ZNF845: variants seen among roughly 807,000 people sequenced by gnomAD.
The protein encoded by ZNF845 is zinc finger protein 845.
A neutral mutation model predicts 76.1 loss-of-function variants in ZNF845; 59 were observed. That is an observed-to-expected ratio of 0.78 (90% CI 0.63 to 0.96). ZNF845 has a LOEUF of 0.96. Ranked by LOEUF, ZNF845 falls within the 40% of genes least tolerant of loss-of-function variation. The pLI is 0.00. For synonymous variants in ZNF845, 361 were observed against 386.9 expected (o/e 0.93, Z 0.78); for missense variants, 1,045 against 1,172.8 (o/e 0.89, Z 1.59).
rs879210149 is a variant in ZNF845, at chr19:53,352,936, A to G, written c.2261A>G (p.Lys754Arg). 6.2e-7 allele frequency: 1 copy of G among 1,614,150 alleles called. No homozygotes were observed. Among genetic ancestry groups the G allele is most frequent in the East Asian group, 2.2e-5 (1 of 44,878 alleles). ...EKPYKCEECD[K>R]VFSRKSSLEK... ...CCTTACAAATGTGAAGAATGTGACA[A>G]AGTTTTCAGTCGCAAATCAAGCCTT... is the stretch of plus-strand genomic sequence containing the variant. The change falls in exon 4 of 4, where the codon AAA (lysine) becomes AGA (arginine). Residue 754 changes from lysine to arginine, a missense_variant. Transcript: ENST00000458035.
At chr19:53,347,263 ATTTC>A (rs746911534) in intron 3 of ZNF845, among the ~76,000 whole-genome samples, 8 of 144,168 alleles carry the variant, frequency 5.5e-5, no homozygotes, top group South Asian at 2.2e-4. Context: ...GACTTCTTTC[ATTTC>A]TTTCTTTCTT....
rs1294112629 is a variant in ZNF845, at chr19:53,352,896, C to T, written c.2221C>T (p.His741Tyr). Residue 741 changes from histidine (H) to tyrosine (Y), a missense_variant, in exon 4 of 4, where the codon CAT becomes TAT. Transcript: ENST00000458035. Reference protein sequence around the residue: ...KSSLTCHLRLHTGEKPYKCEE... With the variant: ...KSSLTCHLRLYTGEKPYKCEE... ...ATCCCTTACATGCCATCTTAGACTT[C>T]ATACTGGAGAGAAACCTTACAAATG... is the stretch of plus-strand genomic sequence containing the variant. The T allele has an allele frequency of 6.2e-7, 1 of 1,613,836 alleles. No homozygotes were observed. The highest frequency in any genetic ancestry group is 8.5e-7 in the Non-Finnish European group (1 of 1,180,002).
At position 53,353,914 on chromosome 19, in the gene ZNF845, A is replaced by G. The variant is rs1417954213; in HGVS notation, c.*326A>G. 2 of 965,642 alleles carry G rather than the reference A, an allele frequency of 2.1e-6. No homozygotes were observed. The highest frequency in any genetic ancestry group is 1.7e-5 in the African/African-American group (1 of 60,538). 59.8% of individuals were successfully genotyped at this position (965,642 alleles called of 1,614,324 possible). A position where few individuals can be genotyped will look rare whatever the true frequency, so the allele number is the denominator to read the frequency against. ...ATCATTGGAGAATCCATAATGAGAG[A>G]TTTTGAAAGTGTAATAAATGTGGCA... On this transcript the variant is annotated 3_prime_UTR_variant, in exon 4 of 4. Coordinates refer to ENST00000458035, the MANE Select transcript of ZNF845 (RefSeq NM_138374.3).
At chr19:53,337,255 T>C (rs530569866) in intron 1 of ZNF845, 3 of 439,472 alleles carry the variant, frequency 6.8e-6, no homozygotes, top group Non-Finnish European at 1.4e-5. Flanking sequence ...CTCCTTCAGG[T>C]CTAGGCTCAG....
At position 53,352,070 on chromosome 19, in the gene ZNF845, A is replaced by C. The variant is rs1247329774; in HGVS notation, c.1395A>C (p.Lys465Asn). Residue 465 changes from lysine to asparagine, a missense_variant, in exon 4 of 4, where the codon AAA becomes AAC. By Grantham distance (94) the Lys-to-Asn change is moderately conservative (BLOSUM62 0). Coordinates refer to ENST00000458035, the MANE Select transcript of ZNF845 (RefSeq NM_138374.3). Reference sequence around the variant, plus strand: ...ATAGGAGAATTCATACTGGAGAGAAACCTTACAAGTGTAATGATTGTGGCA... The same window carrying C: ...ATAGGAGAATTCATACTGGAGAGAACCCTTACAAGTGTAATGATTGTGGCA... The part of the protein sequence containing the change: ...ERHRRIHTGE[K>N]PYKCNDCGKT... 6.2e-7 allele frequency: 1 copy of C among 1,613,870 alleles called. No individual in the cohort carries two copies. Among genetic ancestry groups the C allele is most frequent in the East Asian group, 2.2e-5 (1 of 44,860 alleles).
chr19:53,345,694 T>G (rs1427447440), intron 3 of ZNF845, 62 bp downstream of exon 3: 58 of 1,602,414 alleles, frequency 3.6e-5, no homozygotes, highest in East Asian at 8.9e-5. Flanking sequence ...ATTTTCTCTT[T>G]TTTTTAGATA....
At position 53,353,802 on chromosome 19, in the gene ZNF845, T is replaced by C. The variant is rs1233119297; in HGVS notation, c.*214T>C. The C allele has an allele frequency of 6.0e-6, 9 of 1,502,618 alleles. No homozygotes were observed. The highest frequency in any genetic ancestry group is 1.4e-5 in the African/African-American group (1 of 71,362). 93.1% of individuals were successfully genotyped at this position (1,502,618 alleles called of 1,614,324 possible). ...GCCTTTAGTGGGCAGTCAACACTTA[T>C]TCACCATCAGGCAATCCATGGTATA... On this transcript the variant is annotated 3_prime_UTR_variant, in exon 4 of 4. Transcript: ENST00000458035.
At chr19:53,334,166 G>C (rs1471404807) in intron 1 of ZNF845, among the ~76,000 whole-genome samples, 2 of 152,086 alleles carry the variant, frequency 1.3e-5, no homozygotes, top group East Asian at 1.9e-4. Flanking sequence ...CTCCCTCCTC[G>C]TTCCAGGCCC....
intron 3 of ZNF845, among the ~76,000 whole-genome samples, chr19:53,348,048 G>A (rs1280236294): frequency 6.6e-6 from 1 of 152,144 alleles, no homozygotes; most frequent in Non-Finnish European, 1.5e-5. Flanking sequence ...AAATTAGCTG[G>A]GCATGGTGGC....
chr19:53,351,796 G>T lies in ZNF845; in HGVS notation c.1121G>T (p.Arg374Met), dbSNP rs1346082657. The change falls in exon 4 of 4, where the codon AGG becomes ATG. Residue 374 changes from arginine to methionine, a missense_variant. Arg to Met is a moderately conservative substitution (Grantham distance 91). Coordinates refer to ENST00000458035, the MANE Select transcript of ZNF845 (RefSeq NM_138374.3). The part of the protein sequence containing the change: ...FSFKSNLERH[R>M]KIHTGEKPYK... ...TTCAAATCAAACCTTGAAAGACATA[G>T]GAAAATTCATACTGGAGAGAAACCT... is the stretch of plus-strand genomic sequence containing the variant. 5.0e-6 allele frequency: 8 copies of T among 1,613,430 alleles called. No homozygotes were observed. In the African/African-American group the frequency reaches 1.1e-4, roughly 22 times the overall value.
In ZNF845 at chr19:53,351,664, A is replaced by G. The variant is rs1220301908; in HGVS notation, c.989A>G (p.Asn330Ser). 6.2e-6 allele frequency: 10 copies of G among 1,613,860 alleles called. No individual in the cohort carries two copies. The highest frequency in any genetic ancestry group is 1.3e-5 in the African/African-American group (1 of 74,926). The change falls in exon 4 of 4, where the codon AAT becomes AGT. Residue 330 changes from asparagine to serine, a missense_variant. Coordinates refer to ENST00000458035, the MANE Select transcript of ZNF845 (RefSeq NM_138374.3). Reference sequence around the variant, plus strand: ...ACTGGAGAGAAATCTTACAAGTGTAATGAATGTGGCAAGACCTTCAGTCAA... The same window carrying G: ...ACTGGAGAGAAATCTTACAAGTGTAGTGAATGTGGCAAGACCTTCAGTCAA... ...IHTGEKSYKCNECGKTFSQTS... is the reference protein window; with the variant it reads ...IHTGEKSYKCSECGKTFSQTS...
chr19:53,341,435 C>T, intron 2 of ZNF845, 113 bp downstream of exon 2: 1 of 1,479,134 alleles, frequency 6.8e-7, no homozygotes, highest in South Asian at 1.2e-5. Context: ...GGTTTGCTCG[C>T]ACTCACCCAT....
In ZNF845 at chr19:53,345,595, C is replaced by T. The variant is rs775148978; in HGVS notation, c.105C>T (p.Asp35=). Residue 35 remains aspartate, a synonymous_variant, in exon 3 of 4, where the codon GAC becomes GAT. Transcript: ENST00000458035. ...LDPAQRTLYR[D]VMLENYRNLV... is the part of the protein sequence containing the mutation. The stretch of plus-strand genomic sequence containing the variant: ...CTGCTCAGAGGACTCTATACAGGGA[C>T]GTGATGCTGGAGAATTATAGGAACC... 6.2e-6 allele frequency: 10 copies of T among 1,613,876 alleles called. No individual in the cohort carries two copies. The highest frequency in any genetic ancestry group is 1.1e-5 in the South Asian group (1 of 91,064).
chr19:53,339,741 C>A (rs992477228), intron 1 of ZNF845, among the ~76,000 whole-genome samples: 2 of 152,204 alleles, frequency 1.3e-5, no homozygotes, highest in African/African-American at 4.8e-5. Flanking sequence ...ACTAGTATCA[C>A]TCAGTCATTC....
chr19:53,334,731 C>A (rs1218398847), intron 1 of ZNF845, among the ~76,000 whole-genome samples: 1 of 131,094 alleles, frequency 7.6e-6, no homozygotes, highest in African/African-American at 3.0e-5. Flanking sequence ...TGAGACCCCC[C>A]CCCCCATCTC....
rs2085335923 is a variant in ZNF845 at position 53,351,568 on chromosome 19, A to G, written c.893A>G (p.His298Arg). The change falls in exon 4 of 4, where the codon CAT becomes CGT. Residue 298 changes from histidine to arginine, a missense_variant. Transcript: ENST00000458035. Reference sequence around the variant, plus strand: ...CATAGACTTCATACTGGAGAGAAACATTACAAGTGCAGTGAGTGTGGCAAG... The same window carrying G: ...CATAGACTTCATACTGGAGAGAAACGTTACAAGTGCAGTGAGTGTGGCAAG... ...CHHRLHTGEK[H>R]YKCSECGKTF... The G allele has an allele frequency of 6.2e-7, 1 of 1,613,008 alleles. No individual in the cohort carries two copies. Among genetic ancestry groups the G allele is most frequent in the Non-Finnish European group, 8.5e-7 (1 of 1,179,710 alleles).
rs751631468 is a variant in ZNF845 at position 53,345,538 on chromosome 19, A to C, written c.48A>C (p.Glu16Asp). ...TGACATTCAGGGATGTGGCCATAGAATTCTCTCAGGAAGAGTGGAAGTGCC... is the reference window on the plus strand; with the variant it reads ...TGACATTCAGGGATGTGGCCATAGACTTCTCTCAGGAAGAGTGGAAGTGCC... ...GLLTFRDVAI[E>D]FSQEEWKCLD... The change falls in exon 3 of 4, where the codon GAA becomes GAC. Residue 16 changes from glutamate (E) to aspartate (D), a missense_variant. Coordinates refer to ENST00000458035, the MANE Select transcript of ZNF845 (RefSeq NM_138374.3). 10 of 1,613,408 alleles carry C rather than the reference A, an allele frequency of 6.2e-6. No homozygotes were observed. In the African/African-American group the frequency reaches 1.3e-4, roughly 22 times the overall value.
rs1312852675 is a variant in ZNF845 at position 53,356,889 on chromosome 19, C to T, written c.*3301C>T. Reference sequence around the variant, plus strand: ...AACCTGCAGTGAGCCGAGATCGCACCACTGCACTCCAGCCTGGGTGACAGC... The same window carrying T: ...AACCTGCAGTGAGCCGAGATCGCACTACTGCACTCCAGCCTGGGTGACAGC... On this transcript the variant is annotated 3_prime_UTR_variant, in exon 4 of 4. Transcript: ENST00000458035. 1 of 139,330 alleles carries T rather than the reference C, an allele frequency of 7.2e-6. No individual in the cohort carries two copies. Among genetic ancestry groups the T allele is most frequent in the African/African-American group, 2.7e-5 (1 of 36,628 alleles). 8.6% of individuals were successfully genotyped at this position (139,330 alleles called of 1,614,324 possible). A position where few individuals can be genotyped will look rare whatever the true frequency, so the allele number is the denominator to read the frequency against.
At chr19:53,334,124 C>T (rs547230668) in intron 1 of ZNF845, among the ~76,000 whole-genome samples, 2 of 152,186 alleles carry the variant, frequency 1.3e-5, no homozygotes, top group Non-Finnish European at 1.5e-5. Flanking sequence ...TGGCGCCTCC[C>T]AGTCTTGTCT....
Sources: gnomAD v4.1 joint callset for allele counts (sites outside exome capture counted in the v4.1 genomes callset) on GRCh38, gnomAD v4.1.1 for gene constraint, MANE v1.5 for transcripts, NCBI Gene and HGNC (gene_info 2026-07-23, HGNC 2026-07-21) for gene names.